NRG1: variants seen among roughly 807,000 people sequenced by gnomAD.
NRG1 encodes the protein pro-neuregulin-1, membrane-bound isoform.
NRG1 carries 18 observed loss-of-function variants against 63.8 expected under a neutral mutation model. The observed-to-expected ratio is 0.28, with a 90% CI of 0.19 to 0.42. NRG1 has a LOEUF of 0.42. Among genes scored for constraint, NRG1 ranks in the 10% least tolerant of loss-of-function variants. The pLI, the probability that NRG1 is intolerant of heterozygous loss-of-function variation, is 1.00. For synonymous variants in NRG1, 302 were observed against 301.3 expected (o/e 1.00, Z -0.02); for missense variants, 762 against 814.7 (o/e 0.94, Z 0.79).
intron 9 of NRG1, 109 bp from the exon 10 acceptor site, chr8:32,759,197 A>G (rs1013351235): frequency 2.8e-5 from 35 of 1,240,248 alleles, no homozygotes; most frequent in Non-Finnish European, 3.5e-5. Flanking sequence ...ACAAAAATAG[A>G]TTTGTGTGTT....
At chr8:32,041,925 C>T (rs887867489) in intron 1 of NRG1, among the ~76,000 whole-genome samples, 4 of 152,008 alleles carry the variant, frequency 2.6e-5, no homozygotes, top group East Asian at 1.9e-4. Context: ...GATAGGGTAC[C>T]GAAGACTTTG....
intron 1 of NRG1, among the ~76,000 whole-genome samples, chr8:31,973,072 A>G (rs993792697): frequency 1.1e-4 from 16 of 152,136 alleles, no homozygotes; most frequent in African/African-American, 3.9e-4. Context: ...CCCATTCTCC[A>G]CACCAACATC....
intron 1 of NRG1, among the ~76,000 whole-genome samples, chr8:32,393,683 G>A (rs1173920398): frequency 1.3e-5 from 2 of 151,996 alleles, no homozygotes; most frequent in Non-Finnish European, 2.9e-5. Context: ...GCTAAATGAC[G>A]AGAATACATG....
At chr8:32,210,623 C>G (rs1420555488) in intron 1 of NRG1, among the ~76,000 whole-genome samples, 1 of 152,184 alleles carries the variant, frequency 6.6e-6, no homozygotes, top group Non-Finnish European at 1.5e-5. Context: ...AGATGAACTT[C>G]ATCACTAAAA....
chr8:32,714,088 G>C (rs1208228643), intron 5 of NRG1, among the ~76,000 whole-genome samples: 1 of 152,122 alleles, frequency 6.6e-6, no homozygotes, highest in Non-Finnish European at 1.5e-5. Flanking sequence ...GCCTCCCAAA[G>C]TGCTGGGATT....
At chr8:32,448,367 G>C (rs977749031) in intron 1 of NRG1, among the ~76,000 whole-genome samples, 1 of 152,000 alleles carries the variant, frequency 6.6e-6, no homozygotes, top group African/African-American at 2.4e-5. Flanking sequence ...TTTCTAACCA[G>C]GTTATTTTAT....
intron 5 of NRG1, among the ~76,000 whole-genome samples, chr8:32,718,541 C>T (rs115378429): frequency 1.3e-5 from 2 of 152,054 alleles, no homozygotes; most frequent in Non-Finnish European, 2.9e-5. Context: ...CTCTTCATGG[C>T]CTACATATTA....
At position 31,848,688 on chromosome 8, in the gene NRG1, C is replaced by A. The variant is rs147239718; in HGVS notation, c.37+209257C>A. Among the ~76,000 whole-genome samples the A allele has an allele frequency of 2.7e-3, 414 of 152,244 alleles. 1 individual carries two copies. Among genetic ancestry groups the A allele is most frequent in the African/African-American group, 9.6e-3 (398 of 41,532 alleles). On this transcript the variant is annotated intron_variant, in intron 1 of 10. Coordinates refer to the NRG1 transcript ENST00000519301. ...AGCAAATTCTCATAGAAGCATGAAC[C>A]CTATTATGAACTGCACATGCAAGGG...
intron 1 of NRG1, among the ~76,000 whole-genome samples, chr8:31,937,364 G>T (rs1194293528): frequency 1.3e-5 from 2 of 151,998 alleles, no homozygotes; most frequent in East Asian, 1.9e-4. Flanking sequence ...AAAAGAAAAA[G>T]ATATTTTAGG....
At chr8:31,639,266 C>G (rs1345337521) in exon 1 of NRG1, 8 of 1,164,890 alleles carry the variant, frequency 6.9e-6, no homozygotes, top group Non-Finnish European at 9.8e-6. Context: ...GCAGCCCACT[C>G]GGACTGCAGC....
chr8:32,190,105 TTGAC>T (rs1252803372), intron 1 of NRG1, among the ~76,000 whole-genome samples: 3 of 152,090 alleles, frequency 2.0e-5, no homozygotes, highest in Non-Finnish European at 2.9e-5. Flanking sequence ...AAGTTACAAA[TTGAC>T]TGTATCGTCA....
intron 1 of NRG1, among the ~76,000 whole-genome samples, chr8:32,187,694 G>T (rs551550012): frequency 6.6e-6 from 1 of 152,246 alleles, no homozygotes; most frequent in East Asian, 1.9e-4. Context: ...CTTTTCTGGG[G>T]GAGCAGAGGC....
chr8:31,941,586 AAAG>A (rs1258343849), intron 1 of NRG1, among the ~76,000 whole-genome samples: 6 of 152,166 alleles, frequency 3.9e-5, no homozygotes, highest in Non-Finnish European at 8.8e-5. Context: ...CCAAAATGGT[AAAG>A]AAGACATCAA....
intron 1 of NRG1, among the ~76,000 whole-genome samples, chr8:32,020,707 A>T (rs1816291240): frequency 6.6e-6 from 1 of 152,224 alleles, no homozygotes; most frequent in African/African-American, 2.4e-5. Flanking sequence ...AGGATAATTT[A>T]TAACAAATAT....
chr8:32,386,668 T>G (rs1372694781), intron 1 of NRG1, among the ~76,000 whole-genome samples: 2 of 152,214 alleles, frequency 1.3e-5, no homozygotes, highest in African/African-American at 4.8e-5. Context: ...AAATGTATTC[T>G]CCCAGTTTGG....
chr8:32,369,274 C>T (rs545321967), intron 1 of NRG1, among the ~76,000 whole-genome samples: 1 of 152,370 alleles, frequency 6.6e-6, no homozygotes, highest in African/African-American at 2.4e-5. Flanking sequence ...CCTCTCTTCA[C>T]TCATTCATTG....
chr8:31,885,141 C>T (rs577379409), intron 1 of NRG1, among the ~76,000 whole-genome samples: 90 of 152,112 alleles, frequency 5.9e-4, no homozygotes, highest in African/African-American at 2.1e-3. Flanking sequence ...AGTATGATTT[C>T]GATAAGGCCT....
rs545933901 is a variant in NRG1, at chr8:32,150,418, T to G, written c.38-445410T>G. Among the ~76,000 whole-genome samples the G allele has an allele frequency of 3.2e-4, 48 of 152,278 alleles. No individual in the cohort carries two copies. The South Asian group carries it at 9.7e-3, about 31-fold the overall frequency. On this transcript the variant is annotated intron_variant, in intron 1 of 10. Coordinates refer to the NRG1 transcript ENST00000519301. ...AGAGATAAGGTCTTTGGGGAACTGATTAAGTCATGAGGGGTTCTCCATATG... is the reference window on the plus strand; with the variant it reads ...AGAGATAAGGTCTTTGGGGAACTGAGTAAGTCATGAGGGGTTCTCCATATG...
At chr8:32,203,294 A>T (rs1038690093) in intron 1 of NRG1, among the ~76,000 whole-genome samples, 1 of 151,406 alleles carries the variant, frequency 6.6e-6, no homozygotes, top group Non-Finnish European at 1.5e-5. Context: ...GAGAGAAAGG[A>T]ATCTACGGAG....
Sources: gnomAD v4.1 joint callset for allele counts (sites outside exome capture counted in the v4.1 genomes callset) on GRCh38, gnomAD v4.1.1 for gene constraint, MANE v1.5 for transcripts, NCBI Gene and HGNC (gene_info 2026-07-23, HGNC 2026-07-21) for gene names.